Variants in ZBTB16 observed in about 807,000 individuals in gnomAD.
The protein encoded by ZBTB16 is zinc finger and BTB domain containing 16.
ZBTB16 carries 8 observed loss-of-function variants against 56.8 expected under a neutral mutation model. The observed-to-expected ratio is 0.14, with a 90% CI of 0.08 to 0.25. The LOEUF (loss-of-function observed/expected upper bound fraction) is 0.25, where lower values mean the gene tolerates loss of function less well. Ranked by LOEUF, ZBTB16 falls within the 10% of genes least tolerant of loss-of-function variation. The probability of loss-of-function intolerance (pLI) is 1.00; values close to 1 mark genes in which losing one functional copy is unlikely to be tolerated. For missense variants in ZBTB16, 625 were observed against 903.0 expected, an observed-to-expected ratio of 0.69 and a Z score of 3.95; for synonymous variants, 363 against 368.5, an observed-to-expected ratio of 0.98 and a Z score of 0.17.
chr11:114,202,192 A>T (rs967322675), intron 4 of ZBTB16, among the ~76,000 whole-genome samples: 1 of 152,194 alleles, frequency 6.6e-6, no homozygotes, highest in African/African-American at 2.4e-5. Flanking sequence ...TCTTACACCG[A>T]CATAAGGACT....
At chr11:114,203,527 T>C (rs1289277115) in intron 4 of ZBTB16, among the ~76,000 whole-genome samples, 1 of 152,040 alleles carries the variant, frequency 6.6e-6, no homozygotes, top group Non-Finnish European at 1.5e-5. Context: ...TACTCCAGGC[T>C]GGGTAACAGA....
At chr11:114,192,514 C>T (rs1426338496) in intron 4 of ZBTB16, among the ~76,000 whole-genome samples, 2 of 152,166 alleles carry the variant, frequency 1.3e-5, no homozygotes. Context: ...AGATTATTGT[C>T]ATCAGTATTT....
chr11:114,185,823 A>C (rs1287918778), intron 3 of ZBTB16, among the ~76,000 whole-genome samples: 1 of 152,364 alleles, frequency 6.6e-6, no homozygotes, highest in South Asian at 2.1e-4. Flanking sequence ...AGCCAGTGAT[A>C]AAAAGTACTG....
chr11:114,242,227 T>TGCA lies in ZBTB16; in HGVS notation c.1521_1523dup (p.Gln507dup), dbSNP rs1324150473. 1 of 1,614,012 alleles carries TGCA rather than the reference T, an allele frequency of 6.2e-7. No individual in the cohort carries two copies. Among genetic ancestry groups the TGCA allele is most frequent in the Admixed American group, 1.7e-5 (1 of 60,030 alleles). ...AAGCGCTTCCAGGCGCAGAGCGCACTGCAGCAGCACATGGAGGTCCACGCG... is the reference window on the plus strand; with the variant it reads ...AAGCGCTTCCAGGCGCAGAGCGCACTGCAGCAGCAGCACATGGAGGTCCACGCG... On this transcript the variant is annotated inframe_insertion, in exon 5 of 7. Transcript: ENST00000335953.
chr11:114,232,785 A>G (rs1944467735), intron 4 of ZBTB16, among the ~76,000 whole-genome samples: 1 of 152,144 alleles, frequency 6.6e-6, no homozygotes, highest in South Asian at 2.1e-4. Flanking sequence ...GGGCCTGCGC[A>G]CTGGCCAGGC....
chr11:114,236,401 T>C (rs901872106), intron 4 of ZBTB16, among the ~76,000 whole-genome samples: 1 of 152,190 alleles, frequency 6.6e-6, no homozygotes, highest in Non-Finnish European at 1.5e-5. Flanking sequence ...ATTGGGATCT[T>C]TGGACTGTTT....
chr11:114,121,898 T>C (rs1941357758), intron 2 of ZBTB16: 4 of 453,018 alleles, frequency 8.8e-6, no homozygotes, highest in Non-Finnish European at 1.3e-5. Context: ...ATGTGAGATG[T>C]CATGACCCTG....
In ZBTB16 at chr11:114,255,288, G is replaced by A. The variant is rs1944981446; in HGVS notation, c.*4733G>A. ...TCGGATTGCTCTGTATTACAGAATAGTGTTTTTAATTCATCAATGTTCTAG... is the reference window on the plus strand; with the variant it reads ...TCGGATTGCTCTGTATTACAGAATAATGTTTTTAATTCATCAATGTTCTAG... On this transcript the variant is annotated 3_prime_UTR_variant, in exon 7 of 7. Coordinates refer to ENST00000335953, the MANE Select transcript of ZBTB16 (RefSeq NM_006006.6). Among the ~76,000 whole-genome samples, 1 of 152,160 alleles carries A rather than the reference G, an allele frequency of 6.6e-6. No individual in the cohort carries two copies. Among genetic ancestry groups the A allele is most frequent in the African/African-American group, 2.4e-5 (1 of 41,440 alleles).
intron 4 of ZBTB16, among the ~76,000 whole-genome samples, chr11:114,207,150 C>T (rs893070308): frequency 6.6e-6 from 1 of 152,186 alleles, no homozygotes; most frequent in Non-Finnish European, 1.5e-5. Context: ...GCCATCTTAA[C>T]ACCCATACCT....
intron 2 of ZBTB16, among the ~76,000 whole-genome samples, chr11:114,099,988 G>A (rs61904450): frequency 1.4e-3 from 214 of 152,276 alleles, no homozygotes; most frequent in Non-Finnish European, 2.3e-3. Context: ...TGCATACACA[G>A]TCAACCCTCC....
At chr11:114,069,182 T>C (rs762826745) in intron 2 of ZBTB16, among the ~76,000 whole-genome samples, 1 of 152,324 alleles carries the variant, frequency 6.6e-6, no homozygotes, top group Non-Finnish European at 1.5e-5. Context: ...GCCTCCCAGG[T>C]TCACGCTATT....
rs142572719 is a variant in ZBTB16, at chr11:114,240,305, C to T, written c.1454-1862C>T. The stretch of plus-strand genomic sequence containing the variant: ...ATGAGTGGGACGGAGGTGGTGAGGA[C>T]CAGACCTCTCACTTGCTATCTCCAT... On this transcript the variant is annotated intron_variant, in intron 4 of 6. Coordinates refer to ENST00000335953, the MANE Select transcript of ZBTB16 (RefSeq NM_006006.6). Among the ~76,000 whole-genome samples the T allele has an allele frequency of 4.7e-4, 72 of 152,258 alleles. 1 individual carries two copies. The East Asian group carries it at 0.012, about 26-fold the overall frequency.
At chr11:114,118,339 G>A (rs1941240388) in intron 2 of ZBTB16, among the ~76,000 whole-genome samples, 1 of 152,004 alleles carries the variant, frequency 6.6e-6, no homozygotes, top group South Asian at 2.1e-4. Flanking sequence ...ACCACACCCA[G>A]CAAATTTTTG....
At chr11:114,078,637 G>T (rs1939653592) in intron 2 of ZBTB16, among the ~76,000 whole-genome samples, 1 of 152,050 alleles carries the variant, frequency 6.6e-6, no homozygotes, top group African/African-American at 2.4e-5. Context: ...CTGGGAAGTT[G>T]AAACAGCTAG....
rs1176587214 is a variant in ZBTB16 at position 114,127,839 on chromosome 11, G to T, written c.1269-28498G>T. 7.2e-5 allele frequency among the ~76,000 whole-genome samples: 11 copies of T among 152,174 alleles called. 1 individual carries two copies. Among genetic ancestry groups the T allele is most frequent in the Non-Finnish European group, 2.9e-5 (2 of 68,040 alleles). ...GCTTCCTCCACAGTCCGGGAGAGGAGCTTTGGGTCATGTGATTAGCCTTTT... is the reference window on the plus strand; with the variant it reads ...GCTTCCTCCACAGTCCGGGAGAGGATCTTTGGGTCATGTGATTAGCCTTTT... On this transcript the variant is annotated intron_variant, in intron 2 of 6. Transcript: ENST00000335953.
Position 114,064,916 on chromosome 11 carries a change from G to A in ZBTB16, c.1268+348G>A, listed in dbSNP as rs905326644. Among the ~76,000 whole-genome samples, 3 of 152,148 alleles carry A rather than the reference G, an allele frequency of 2.0e-5. No individual in the cohort carries two copies. The highest frequency in any genetic ancestry group is 7.2e-5 in the African/African-American group (3 of 41,430). On this transcript the variant is annotated intron_variant, in intron 2 of 6. Transcript: ENST00000335953. This position sits in a 1 kb window ranked among gnomAD's most constrained non-coding sequence, Gnocchi z 4.2. ...TGATAAAATGGAGAGAAGGAGAAAAGGAGTGGGATGAGGGTCTCTTGGGCC... is the reference window on the plus strand; with the variant it reads ...TGATAAAATGGAGAGAAGGAGAAAAAGAGTGGGATGAGGGTCTCTTGGGCC...
At chr11:114,079,129 GGA>G (rs1939675442) in intron 2 of ZBTB16, among the ~76,000 whole-genome samples, 1 of 151,742 alleles carries the variant, frequency 6.6e-6, no homozygotes, top group Non-Finnish European at 1.5e-5. Context: ...AGAAGAAGAA[GGA>G]GGCACCCTGG....
chr11:114,222,970 C>A (rs185792611), intron 4 of ZBTB16, among the ~76,000 whole-genome samples: 152 of 152,220 alleles, frequency 1.0e-3, no homozygotes, highest in African/African-American at 3.5e-3. Flanking sequence ...TAGCTGAGAG[C>A]CTGCCCTGGT....
At chr11:114,218,116 T>C (rs1451353088) in intron 4 of ZBTB16, among the ~76,000 whole-genome samples, 1 of 151,962 alleles carries the variant, frequency 6.6e-6, no homozygotes, top group Non-Finnish European at 1.5e-5. Flanking sequence ...ACCCTCTTGC[T>C]TCCAGGGGGA....
Sources: allele counts gnomAD v4.1 joint callset (sites outside exome capture counted in the v4.1 genomes callset), GRCh38; gene constraint gnomAD v4.1.1; non-coding constraint Gnocchi (gnomAD v3.1); transcripts MANE v1.5; gene names NCBI Gene and HGNC (gene_info 2026-07-23, HGNC 2026-07-21).